The following PPT1 variants were observed in gnomAD, a reference collection of about 807,000 sequenced individuals.
The protein encoded by PPT1 is palmitoyl-protein thioesterase 1, also known as ceroid-palmitoyl-palmitoyl-protein thioesterase 1.
Under a neutral mutation model 44.0 loss-of-function variants are expected in PPT1, and 24 were observed. The observed-to-expected ratio is 0.54, with a 90% confidence interval of 0.39 to 0.77. The LOEUF (loss-of-function observed/expected upper bound fraction) is 0.77. PPT1 is among the 30% of genes least tolerant of loss of function. The probability of loss-of-function intolerance (pLI) is 0.00; values close to 1 mark genes in which losing one functional copy is unlikely to be tolerated. For synonymous variants in PPT1, 148 were observed against 140.2 expected (o/e 1.06, Z -0.39); for missense variants, 341 against 378.8 (o/e 0.90, Z 0.83).
At chr1:40,085,374 GC>G in intron 5 of PPT1, among the ~76,000 whole-genome samples, 1 of 152,098 alleles carries the variant, frequency 6.6e-6, no homozygotes, top group East Asian at 1.9e-4. Context: ...TCCTTACCCT[GC>G]CCCCCTTGTC....
At chr1:40,096,641 C>A (rs1356779406) in intron 1 of PPT1, among the ~76,000 whole-genome samples, 2 of 149,304 alleles carry the variant, frequency 1.3e-5, no homozygotes, top group African/African-American at 5.0e-5. Flanking sequence ...TGTATATATG[C>A]AAATATTAAA....
intron 8 of PPT1, among the ~76,000 whole-genome samples, chr1:40,076,203 G>A (rs1196844529): frequency 2.6e-5 from 4 of 151,712 alleles, no homozygotes; most frequent in Non-Finnish European, 5.9e-5. Context: ...ACTGGCTCAC[G>A]CCTGTAATCC....
intron 6 of PPT1, among the ~76,000 whole-genome samples, chr1:40,079,785 A>G (rs1557707840): frequency 1.3e-5 from 2 of 152,262 alleles, no homozygotes; most frequent in Non-Finnish European, 2.9e-5. Flanking sequence ...CACACTCCAT[A>G]GGTGTCCATC....
chr1:40,071,578 TA>T (rs757905440), downstream of PPT1: 37 of 1,205,778 alleles, frequency 3.1e-5, no homozygotes, highest in African/African-American at 4.2e-4. Flanking sequence ...CACCATGGGA[TA>T]AATCTGTATC....
chr1:40,076,401 G>T (rs1014531401), intron 8 of PPT1, among the ~76,000 whole-genome samples: 1 of 152,004 alleles, frequency 6.6e-6, no homozygotes, highest in Non-Finnish European at 1.5e-5. Context: ...GGAGGCAGGG[G>T]TTGCAGTGAG....
At chr1:40,087,014 T>C (rs1304720114) in intron 5 of PPT1, among the ~76,000 whole-genome samples, 1 of 152,080 alleles carries the variant, frequency 6.6e-6, no homozygotes, top group East Asian at 1.9e-4. Context: ...GATTTCTCTT[T>C]ATTACTTTAA....
At chr1:40,091,975 G>A (rs1285474796) in intron 3 of PPT1, 70 bp downstream of exon 3, 2 of 1,574,304 alleles carry the variant, frequency 1.3e-6, no homozygotes, top group South Asian at 1.1e-5. Context: ...TGGAGGAGTG[G>A]ATTTATCTGA....
rs1321468294 is a variant in PPT1 at position 40,089,441 on chromosome 1, C to A, written c.505G>T (p.Ala169Ser). 1.9e-6 allele frequency: 3 copies of A among 1,614,114 alleles called. No homozygotes were observed. In the South Asian group the frequency reaches 3.3e-5, roughly 18 times the overall value. ...ICDFIRKTLN[A>S]GAYSKVVQER... Reference sequence around the variant, plus strand: ...TGAACAACTTTGGAGTACGCCCCAGCATTCAGTGTTTTTCGGATGAAGTCA... The same window carrying A: ...TGAACAACTTTGGAGTACGCCCCAGAATTCAGTGTTTTTCGGATGAAGTCA... The change falls in exon 5 of 9, where the codon GCT becomes TCT. Residue 169 changes from alanine (A) to serine (S), a missense_variant. Transcript: ENST00000642050.
intron 1 of PPT1, 110 bp downstream of exon 1, chr1:40,097,005 G>C: frequency 6.3e-7 from 1 of 1,583,094 alleles, no homozygotes; most frequent in East Asian, 2.2e-5. Context: ...CGAGGCAGCC[G>C]CGTGCTGTGG....
intron 3 of PPT1, among the ~76,000 whole-genome samples, 168 bp downstream of exon 3, chr1:40,091,877 A>G (rs916269168): frequency 5.3e-5 from 8 of 152,096 alleles, no homozygotes; most frequent in South Asian, 2.1e-4. Context: ...AAAAAAAAAA[A>G]AAAAGAAAAG....
rs755190433 is a variant in PPT1 at position 40,080,410 on chromosome 1, A to G, written c.614T>C (p.Ile205Thr). 1.2e-6 allele frequency: 2 copies of G among 1,614,022 alleles called. No homozygotes were observed. The highest frequency in any genetic ancestry group is 2.2e-5 in the East Asian group (1 of 44,880). The change falls in exon 6 of 9, where the codon ATA becomes ACA. Residue 205 changes from isoleucine (I) to threonine (T), a missense_variant. Coordinates refer to ENST00000642050, the MANE Select transcript of PPT1 (RefSeq NM_000310.4). ...TTGGGTGCTTACCCGCTCCTGATTT[A>G]TATCTGCCAAGAAGATGCTGTGGTT... ...YRNHSIFLAD[I>T]NQERGINESY...
At position 40,091,349 on chromosome 1, in the gene PPT1, G is replaced by A. The variant is rs386833646; in HGVS notation, c.413C>T (p.Ser138Leu). The A allele has an allele frequency of 8.7e-6, 14 of 1,613,904 alleles. No homozygotes were observed. In the African/African-American group the frequency reaches 1.5e-4, roughly 17 times the overall value. ...CPSPPMINLI[S>L]VGGQHQGVFG... ...GTTACCTTGATGTTGTCCCCCAACC[G>A]AGATCAGATTGATCATGGGAGGTGA... Residue 138 changes from serine (S) to leucine (L), a missense_variant, in exon 4 of 9, where the codon TCG becomes TTG. Transcript: ENST00000642050.
At chr1:40,089,833 C>T (rs985758465) in intron 4 of PPT1, among the ~76,000 whole-genome samples, 1 of 151,882 alleles carries the variant, frequency 6.6e-6, no homozygotes, top group Non-Finnish European at 1.5e-5. Flanking sequence ...TAGTACCCAC[C>T]CCCATTTCCT....
At chr1:40,077,088 G>A (rs979841994) in intron 7 of PPT1, among the ~76,000 whole-genome samples, 175 bp from the exon 8 acceptor site, 8 of 152,246 alleles carry the variant, frequency 5.3e-5, no homozygotes, top group Non-Finnish European at 1.0e-4. Flanking sequence ...GGTGGAGCCC[G>A]AGGGATGAGT....
At chr1:40,078,881 G>A in intron 6 of PPT1, 2 of 512,134 alleles carry the variant, frequency 3.9e-6, no homozygotes, top group East Asian at 4.6e-5. Context: ...GGGGGTACAT[G>A]TGTAGTTTTG....
rs536817374 is a variant in PPT1 at position 40,096,141 on chromosome 1, G to T, written c.124+974C>A. Among the ~76,000 whole-genome samples, 19 of 152,178 alleles carry T rather than the reference G, an allele frequency of 1.2e-4. No homozygotes were observed. The South Asian group carries it at 2.1e-3, about 17-fold the overall frequency. ...CTCATCTACCTCAGTTTTGTACTCA[G>T]ATGTCACTTTTTCAATGAATTCTTT... On this transcript the variant is annotated intron_variant, in intron 1 of 8. Coordinates refer to ENST00000642050, the MANE Select transcript of PPT1 (RefSeq NM_000310.4).
At chr1:40,074,344 T>C (rs1334905773) in intron 8 of PPT1, among the ~76,000 whole-genome samples, 161 bp from the exon 9 acceptor site, 4 of 152,118 alleles carry the variant, frequency 2.6e-5, no homozygotes, top group African/African-American at 9.7e-5. Context: ...CTCCTACTTC[T>C]TTTTCTTTCT....
intron 1 of PPT1, among the ~76,000 whole-genome samples, chr1:40,092,760 A>G (rs923657231): frequency 4.6e-5 from 7 of 152,132 alleles, no homozygotes; most frequent in African/African-American, 1.4e-4. Context: ...TATTTTTCCA[A>G]AGAAGATATA....
intron 6 of PPT1, among the ~76,000 whole-genome samples, chr1:40,079,451 C>CA (rs1648812967): frequency 8.0e-6 from 1 of 125,452 alleles, no homozygotes; most frequent in Admixed American, 1.0e-4. Context: ...GGCCAGAGTG[C>CA]AGTGGCACCA....
Sources: gnomAD v4.1 joint callset for allele counts (sites outside exome capture counted in the v4.1 genomes callset) on GRCh38, gnomAD v4.1.1 for gene constraint, MANE v1.5 for transcripts, NCBI Gene and HGNC (gene_info 2026-07-23, HGNC 2026-07-21) for gene names.